The following IGBP1 variants were observed in gnomAD, a reference collection of about 807,000 sequenced individuals.
IGBP1 encodes the protein immunoglobulin-binding protein 1.
IGBP1 carries 2 observed loss-of-function variants against 25.9 expected under a neutral mutation model. The ratio of observed to expected loss-of-function variants is 0.08; its 90% CI spans 0.03 to 0.24. The LOEUF (loss-of-function observed/expected upper bound fraction) is 0.24, where lower values mean the gene tolerates loss of function less well. Among genes scored for constraint, IGBP1 ranks in the 10% least tolerant of loss-of-function variants. The probability of loss-of-function intolerance (pLI) is 1.00; values close to 1 mark genes in which losing one functional copy is unlikely to be tolerated. For synonymous variants in IGBP1, 96 were observed against 93.4 expected (o/e 1.03, Z -0.16); for missense variants, 187 against 260.4 (o/e 0.72, Z 1.94).
chrX:70,148,797 C>G lies in IGBP1; in HGVS notation c.715C>G (p.Pro239Ala). ...TAACTCATCTCGCCAGGAGAGGCCT[C>G]CAGTGAAACCCTTCATTCTCACTCG... Reference protein sequence around the residue: ...TSNSSRQERPPVKPFILTRNM... With the variant: ...TSNSSRQERPAVKPFILTRNM... The change falls in exon 5 of 7, where the codon CCA becomes GCA. Residue 239 changes from proline (P) to alanine (A), a missense_variant. Physicochemically the swap from Pro to Ala is conservative, Grantham distance 27. Transcript: ENST00000356413. The G allele has an allele frequency of 8.3e-7, 1 of 1,205,701 alleles. No homozygotes were observed. Among genetic ancestry groups the G allele is most frequent in the Non-Finnish European group, 1.1e-6 (1 of 889,843 alleles).
At chrX:70,158,271 A>G (rs759083621) in intron 6 of IGBP1, among the ~76,000 whole-genome samples, 1 of 111,975 alleles carries the variant, frequency 8.9e-6, no homozygotes, top group South Asian at 3.8e-4. Flanking sequence ...CTTCCAGGAC[A>G]GGGACTCACA....
intron 4 of IGBP1, among the ~76,000 whole-genome samples, chrX:70,147,286 G>A (rs57794500): frequency 9.0e-6 from 1 of 111,067 alleles, no homozygotes; most frequent in African/African-American, 3.3e-5. Flanking sequence ...AGCCGGGTGT[G>A]GTGGTGCGCG....
At chrX:70,144,693 C>G (rs1284446820) in intron 3 of IGBP1, among the ~76,000 whole-genome samples, 1 of 75,136 alleles carries the variant, frequency 1.3e-5, no homozygotes, top group Non-Finnish European at 2.3e-5. Flanking sequence ...TGGAGTCTCA[C>G]TCTGTTGCCA....
At chrX:70,163,950 G>C (rs2085283845) in intron 6 of IGBP1, 1 of 111,846 alleles carries the variant, frequency 8.9e-6, no homozygotes, top group Admixed American at 9.5e-5. Context: ...TCAAAAATAC[G>C]ATGCTAGGCC....
At position 70,133,951 on chromosome X, in the gene IGBP1, G is replaced by A; in HGVS notation, c.4G>A (p.Ala2Thr). ...TCCGGGTTCCTCTCTCCCCAAGATG[G>A]CTGCTGAGGACGAGTTACAGCTGCC... Reference protein sequence around the residue: MAAEDELQLPRL... With the variant: MTAEDELQLPRL... Residue 2 changes from alanine (A) to threonine (T), a missense_variant, in exon 2 of 7, where the codon GCT becomes ACT. By Grantham distance (58) the Ala-to-Thr change is moderately conservative. Transcript: ENST00000356413. 1 of 1,210,423 alleles carries A rather than the reference G, an allele frequency of 8.3e-7. No individual in the cohort carries two copies. Among genetic ancestry groups the A allele is most frequent in the Admixed American group, 2.2e-5 (1 of 46,000 alleles).
chrX:70,161,800 G>GA (rs1009035519), intron 6 of IGBP1, among the ~76,000 whole-genome samples: 4 of 111,189 alleles, frequency 3.6e-5, no homozygotes, highest in Non-Finnish European at 5.6e-5. Flanking sequence ...CTCTGTACTA[G>GA]AAAACAAGAG....
At chrX:70,154,657 TCC>T (rs2085226246) in intron 6 of IGBP1, among the ~76,000 whole-genome samples, 1 of 84,631 alleles carries the variant, frequency 1.2e-5, no homozygotes, top group African/African-American at 4.6e-5. Context: ...AGTGGGAGGA[TCC>T]CTTGAGCCGA....
At chrX:70,144,571 A>C in intron 3 of IGBP1, among the ~76,000 whole-genome samples, 1 of 109,941 alleles carries the variant, frequency 9.1e-6, no homozygotes, top group Middle Eastern at 4.8e-3. Context: ...ACATTATAGT[A>C]AATGTCCACT....
chrX:70,154,667 CGAGGAGT>C (rs1204409587), intron 6 of IGBP1, among the ~76,000 whole-genome samples: 1 of 79,354 alleles, frequency 1.3e-5, no homozygotes, highest in Non-Finnish European at 2.3e-5. Flanking sequence ...TCCCTTGAGC[CGAGGAGT>C]TCAAGATCAG....
At chrX:70,150,105 G>A (rs2085193093) in intron 5 of IGBP1, 105 bp from the exon 6 acceptor site, 7 of 532,405 alleles carry the variant, frequency 1.3e-5, no homozygotes, top group Admixed American at 2.7e-5. Context: ...AGGCTGAAAC[G>A]GACACAGACT....
chrX:70,151,202 C>A (rs1362947088), intron 6 of IGBP1, among the ~76,000 whole-genome samples: 1 of 111,507 alleles, frequency 9.0e-6, no homozygotes, highest in Non-Finnish European at 1.9e-5. Flanking sequence ...CTCAGGTGAT[C>A]GGCCCACCTC....
intron 3 of IGBP1, among the ~76,000 whole-genome samples, chrX:70,141,164 C>T (rs1365926976): frequency 3.6e-5 from 4 of 109,682 alleles, no homozygotes; most frequent in Admixed American, 2.0e-4. Flanking sequence ...GCCAAGGTGG[C>T]GAAACCCCGT....
chrX:70,139,056 G>A (rs1006096065), intron 3 of IGBP1, among the ~76,000 whole-genome samples: 2 of 111,826 alleles, frequency 1.8e-5, no homozygotes, highest in South Asian at 3.7e-4. Flanking sequence ...GCCGGGTGCG[G>A]TGGCTCACTT....
intron 3 of IGBP1, among the ~76,000 whole-genome samples, chrX:70,138,251 C>T (rs1651126146): frequency 9.0e-6 from 1 of 111,117 alleles, no homozygotes; most frequent in South Asian, 3.7e-4. Context: ...GAGGCCAAGG[C>T]GGGAGGATTA....
Position 70,133,896 on chromosome X carries a change from AG to A in IGBP1, c.-50del, listed in dbSNP as rs2085077973. 2 of 1,106,275 alleles carry A rather than the reference AG, an allele frequency of 1.8e-6. 1 individual carries two copies. The highest frequency in any genetic ancestry group is 3.6e-5 in the African/African-American group (2 of 54,911). The allele number at this position is 1,106,275 out of a possible 1,213,427, so 91.2% of individuals were successfully genotyped here. A position where few individuals can be genotyped will look rare whatever the true frequency, so the allele number is the denominator to read the frequency against. On this transcript the variant is annotated 5_prime_UTR_variant, in exon 2 of 7. It introduces an in-frame stop codon into an upstream open reading frame of the 5' UTR. Coordinates refer to ENST00000356413, the MANE Select transcript of IGBP1 (RefSeq NM_001551.3). ...GCGCTCGCCTAATTCTTCTTTATCA[AG>A]GTTGCCTTTGACCCCGGAAAAGAGA...
rs780982782 is a variant in IGBP1 at position 70,134,558 on chromosome X, A to C, written c.224A>C (p.Asp75Ala). The change falls in exon 3 of 7, where the codon GAC (aspartate) becomes GCC (alanine). Residue 75 changes from aspartate to alanine, a missense_variant. By Grantham distance (126) the Asp-to-Ala change is moderately radical. Transcript: ENST00000356413. ...GATTTGGAAGAGATTGCTTCCACCG[A>C]CCTGAAGTACCTTTTGGTGCCAGCG... ...NEDLEEIAST[D>A]LKYLLVPAFQ... The C allele has an allele frequency of 3.3e-6, 4 of 1,211,282 alleles. No homozygotes were observed. Among genetic ancestry groups the C allele is most frequent in the Non-Finnish European group, 4.5e-6 (4 of 895,274 alleles).
chrX:70,147,384 C>T (rs2085173413), intron 4 of IGBP1, among the ~76,000 whole-genome samples: 1 of 109,981 alleles, frequency 9.1e-6, no homozygotes, highest in Non-Finnish European at 1.9e-5. Context: ...GATCATGCCA[C>T]TGCACTCCAG....
chrX:70,135,703 A>T (rs1366445193), intron 3 of IGBP1, among the ~76,000 whole-genome samples: 1 of 111,545 alleles, frequency 9.0e-6, no homozygotes, highest in Non-Finnish European at 1.9e-5. Flanking sequence ...AGATGTGTAG[A>T]CCAAAAACAG....
chrX:70,157,233 A>C (rs1222378900), intron 6 of IGBP1, among the ~76,000 whole-genome samples: 5 of 106,646 alleles, frequency 4.7e-5, no homozygotes, highest in African/African-American at 1.7e-4. Flanking sequence ...AAGGAAGATA[A>C]AATCAATTAC....
Sources: allele counts gnomAD v4.1 joint callset (sites outside exome capture counted in the v4.1 genomes callset), GRCh38; gene constraint gnomAD v4.1.1; transcripts MANE v1.5; gene names NCBI Gene and HGNC (gene_info 2026-07-23, HGNC 2026-07-21).